Variants in NEDD4L observed in about 807,000 individuals in gnomAD.
NEDD4L encodes the protein E3 ubiquitin-protein ligase NEDD4-like.
Under a neutral mutation model 148.9 loss-of-function variants are expected in NEDD4L, and 54 were observed. That is an observed-to-expected ratio of 0.36 (90% CI 0.29 to 0.45). NEDD4L has a LOEUF of 0.45. NEDD4L is among the 20% of genes least tolerant of loss of function. The pLI is 1.00. For synonymous variants in NEDD4L, 433 were observed against 440.7 expected, an observed-to-expected ratio of 0.98 and a Z score of 0.22; for missense variants, 856 against 1,233.8, an observed-to-expected ratio of 0.69 and a Z score of 4.59.
chr18:58,106,853 TG>T (rs1449538369), intron 1 of NEDD4L, among the ~76,000 whole-genome samples: 2 of 152,050 alleles, frequency 1.3e-5, no homozygotes, highest in Non-Finnish European at 2.9e-5. Flanking sequence ...GATCTGAACC[TG>T]TCCCCTGAAA....
intron 2 of NEDD4L, among the ~76,000 whole-genome samples, chr18:58,178,365 G>C (rs1333524081): frequency 6.6e-6 from 1 of 152,090 alleles, no homozygotes; most frequent in African/African-American, 2.4e-5. Context: ...GAAGCTTTTG[G>C]ATATCCACTG....
chr18:58,154,194 G>A (rs1172088096), intron 1 of NEDD4L, among the ~76,000 whole-genome samples: 1 of 150,554 alleles, frequency 6.6e-6, no homozygotes, highest in Non-Finnish European at 1.5e-5. Flanking sequence ...AAGGAACACT[G>A]TGCCCAGGCA....
intron 5 of NEDD4L, among the ~76,000 whole-genome samples, chr18:58,272,205 A>G (rs2051147220): frequency 6.6e-6 from 1 of 152,228 alleles, no homozygotes; most frequent in Non-Finnish European, 1.5e-5. Context: ...AATTCATAAG[A>G]TAATAGTAGA....
chr18:58,202,572 T>C (rs1208372843), intron 2 of NEDD4L, among the ~76,000 whole-genome samples: 1 of 152,234 alleles, frequency 6.6e-6, no homozygotes, highest in Non-Finnish European at 1.5e-5. Flanking sequence ...GATGATGCAG[T>C]TCCTTTTCAA....
At chr18:58,276,461 G>A (rs984427359) in intron 5 of NEDD4L, among the ~76,000 whole-genome samples, 4 of 151,916 alleles carry the variant, frequency 2.6e-5, no homozygotes, top group African/African-American at 4.8e-5. Context: ...TGCCCACCTC[G>A]GCCTTTCAAA....
At chr18:58,349,754 G>T in intron 17 of NEDD4L, 140 bp downstream of exon 17, 1 of 668,336 alleles carries the variant, frequency 1.5e-6, no homozygotes, top group Non-Finnish European at 2.6e-6. Context: ...AACAGAATTG[G>T]GTGTTTAGCT....
At chr18:58,363,085 A>G (rs149413760) in intron 19 of NEDD4L, among the ~76,000 whole-genome samples, 5 of 152,252 alleles carry the variant, frequency 3.3e-5, no homozygotes, top group East Asian at 1.9e-4. Flanking sequence ...CTCCTAAGCT[A>G]TATAAAGATG....
Position 58,312,326 on chromosome 18 carries a change from G to A in NEDD4L, c.298-3656G>A, listed in dbSNP as rs192515789. Among the ~76,000 whole-genome samples the A allele has an allele frequency of 7.0e-4, 106 of 152,322 alleles. 1 individual carries two copies. The Middle Eastern group carries it at 0.017, about 24-fold the overall frequency. On this transcript the variant is annotated intron_variant, in intron 5 of 30. Coordinates refer to ENST00000400345, the MANE Select transcript of NEDD4L (RefSeq NM_001144967.3). ...ACCACAAGAAATACCAATGTTCACCGAATGAGTTGAAGTTAATTTGGTTTT... is the reference window on the plus strand; with the variant it reads ...ACCACAAGAAATACCAATGTTCACCAAATGAGTTGAAGTTAATTTGGTTTT...
chr18:58,207,483 A>G (rs372886197), intron 2 of NEDD4L, among the ~76,000 whole-genome samples: 41 of 113,180 alleles, frequency 3.6e-4, no homozygotes, highest in African/African-American at 9.3e-4. Context: ...GATGGCCTAC[A>G]GGGTTGTTAA....
chr18:58,143,465 T>C (rs867988666), intron 1 of NEDD4L, among the ~76,000 whole-genome samples: 14 of 152,228 alleles, frequency 9.2e-5, no homozygotes, highest in African/African-American at 3.4e-4. Context: ...ATTTCTCCCT[T>C]ATCTGCCGAA....
At chr18:58,365,687 C>T (rs2046029644) in intron 20 of NEDD4L, among the ~76,000 whole-genome samples, 2 of 152,196 alleles carry the variant, frequency 1.3e-5, no homozygotes, top group Non-Finnish European at 1.5e-5. Flanking sequence ...AGTCGACTGC[C>T]TTTCGGTTGC....
chr18:58,399,252 A>G lies in NEDD4L; in HGVS notation c.*2983A>G, dbSNP rs2050693181. 6.6e-6 allele frequency: 1 copy of G among 152,088 alleles called. No homozygotes were observed. Among genetic ancestry groups the G allele is most frequent in the Non-Finnish European group, 1.5e-5 (1 of 68,014 alleles). The allele number at this position is 152,088 out of a possible 1,614,324, so 9.4% of individuals were successfully genotyped here. On this transcript the variant is annotated 3_prime_UTR_variant, in exon 31 of 31. Transcript: ENST00000400345. The stretch of plus-strand genomic sequence containing the variant: ...TGGAGCCGGCAGCAGTGAGGCATTC[A>G]TTGTCTGTGTTGCGGTGTATTCCCA...
intron 1 of NEDD4L, among the ~76,000 whole-genome samples, chr18:58,097,232 T>A (rs8092818): frequency 0.035 from 5,298 of 152,290 alleles, 310 homozygotes; most frequent in African/African-American, 0.12. Context: ...GTTCAGAATA[T>A]TAGTGCCAGC....
intron 9 of NEDD4L, among the ~76,000 whole-genome samples, chr18:58,327,109 T>C (rs548341955): frequency 3.9e-5 from 6 of 152,318 alleles, no homozygotes; most frequent in Admixed American, 3.9e-4. Context: ...AATGCAGTTC[T>C]TTTTCTGTTG....
chr18:58,072,863 C>CGT (rs1472227082), intron 1 of NEDD4L, among the ~76,000 whole-genome samples: 10 of 112,498 alleles, frequency 8.9e-5, no homozygotes, highest in African/African-American at 3.6e-4. Context: ...CTAAGGCGCG[C>CGT]GCGCGCGCGC....
chr18:58,343,415 G>A (rs538380106), intron 16 of NEDD4L, among the ~76,000 whole-genome samples: 74 of 152,262 alleles, frequency 4.9e-4, no homozygotes, highest in African/African-American at 1.7e-3. Context: ...AATTGATCCC[G>A]TCTCACAAAG....
At chr18:58,387,130 G>A (rs1325496562) in intron 26 of NEDD4L, among the ~76,000 whole-genome samples, 2 of 152,182 alleles carry the variant, frequency 1.3e-5, no homozygotes, top group East Asian at 3.8e-4. Flanking sequence ...ATCTTAGGAC[G>A]CACTGACTCA....
chr18:58,307,722 T>C (rs552327923), intron 5 of NEDD4L, among the ~76,000 whole-genome samples: 1 of 152,174 alleles, frequency 6.6e-6, no homozygotes, highest in Non-Finnish European at 1.5e-5. Context: ...AGGAAGAGCT[T>C]TTAGCAATAA....
At chr18:58,119,915 C>T (rs2086113175) in intron 1 of NEDD4L, among the ~76,000 whole-genome samples, 1 of 152,220 alleles carries the variant, frequency 6.6e-6, no homozygotes, top group Non-Finnish European at 1.5e-5. Flanking sequence ...GCACCACGGC[C>T]TGTTCTTACC....
Sources: gnomAD v4.1 joint callset for allele counts (sites outside exome capture counted in the v4.1 genomes callset) on GRCh38, gnomAD v4.1.1 for gene constraint, MANE v1.5 for transcripts, NCBI Gene and HGNC (gene_info 2026-07-23, HGNC 2026-07-21) for gene names.